PACRG: variants seen among roughly 807,000 people sequenced by gnomAD.
The protein encoded by PACRG is parkin coregulated.
In PACRG, 29 loss-of-function variants were observed where a neutral mutation model predicts 29.7. That is an observed-to-expected ratio of 0.98 (90% CI 0.73 to 1.33). PACRG has a LOEUF of 1.33. Among genes scored for constraint, PACRG ranks in the 40% most tolerant of loss-of-function variants. The pLI, the probability that PACRG is intolerant of heterozygous loss-of-function variation, is 0.00. For missense variants in PACRG, 279 were observed against 316.2 expected (o/e 0.88, Z 0.89); for synonymous variants, 116 against 118.7 (o/e 0.98, Z 0.15).
intron 1 of PACRG, among the ~76,000 whole-genome samples, chr6:162,808,687 T>G (rs1786569745): frequency 6.6e-6 from 1 of 152,186 alleles, no homozygotes; most frequent in Admixed American, 6.5e-5. Context: ...TTGGATTTTA[T>G]TAAAAGCATT....
At chr6:162,911,694 C>G (rs1167422270) in intron 2 of PACRG, among the ~76,000 whole-genome samples, 2 of 152,124 alleles carry the variant, frequency 1.3e-5, no homozygotes, top group East Asian at 3.9e-4. Context: ...GCAAATTGCT[C>G]TCTACCCAAA....
At chr6:163,248,149 A>G (rs1782762440) in intron 4 of PACRG, among the ~76,000 whole-genome samples, 1 of 152,260 alleles carries the variant, frequency 6.6e-6, no homozygotes, top group South Asian at 2.1e-4. Flanking sequence ...CAAGAAAGAG[A>G]CACACAGTGC....
chr6:162,727,428 G>A, upstream of PACRG: 1 of 507,050 alleles, frequency 2.0e-6, no homozygotes, highest in Non-Finnish European at 3.5e-6. Context: ...CGGTCTTCAT[G>A]AGAACGCTCA....
chr6:163,198,025 G>A (rs925693236), intron 4 of PACRG, among the ~76,000 whole-genome samples: 1 of 152,190 alleles, frequency 6.6e-6, no homozygotes, highest in Non-Finnish European at 1.5e-5. Context: ...TTCTAGATAC[G>A]TGTTTATCTG....
At chr6:162,819,601 T>G (rs1286372340) in intron 2 of PACRG, among the ~76,000 whole-genome samples, 2 of 152,196 alleles carry the variant, frequency 1.3e-5, no homozygotes, top group African/African-American at 4.8e-5. Flanking sequence ...GATCTTTGTC[T>G]GTATTTCTGG....
intron 4 of PACRG, among the ~76,000 whole-genome samples, chr6:163,296,028 G>A (rs1188048977): frequency 1.3e-5 from 2 of 152,132 alleles, no homozygotes; most frequent in Non-Finnish European, 2.9e-5. Context: ...ATAACCCAGA[G>A]CAGCAGGAGG....
intron 2 of PACRG, among the ~76,000 whole-genome samples, chr6:162,985,745 TG>T (rs1312620525): frequency 1.3e-5 from 2 of 151,998 alleles, no homozygotes; most frequent in African/African-American, 4.8e-5. Flanking sequence ...GCATTCAAAA[TG>T]GTAAAGAGGA....
intron 1 of PACRG, among the ~76,000 whole-genome samples, chr6:162,738,246 A>G (rs61489355): frequency 0.014 from 2,138 of 152,308 alleles, 52 homozygotes; most frequent in African/African-American, 0.048. Flanking sequence ...ATGCAGAGAT[A>G]TAGAGATAAT....
intron 2 of PACRG, among the ~76,000 whole-genome samples, chr6:162,921,998 A>G (rs983190757): frequency 2.6e-5 from 4 of 151,732 alleles, no homozygotes; most frequent in Admixed American, 1.3e-4. Context: ...AGTCTCTGCC[A>G]TTTTTCCTTG....
At chr6:162,781,721 G>A (rs1390271084) in intron 1 of PACRG, among the ~76,000 whole-genome samples, 8 of 151,522 alleles carry the variant, frequency 5.3e-5, no homozygotes, top group African/African-American at 1.9e-4. Flanking sequence ...AGTTTAAAAT[G>A]TTTACTCTAA....
chr6:162,948,666 G>T (rs1009807420), intron 2 of PACRG, among the ~76,000 whole-genome samples: 4 of 151,968 alleles, frequency 2.6e-5, no homozygotes. Flanking sequence ...TTTAGAACAT[G>T]CAAGAAACTC....
chr6:162,958,881 A>ATATATATT (rs1285995698), intron 2 of PACRG, among the ~76,000 whole-genome samples: 5 of 16,846 alleles, frequency 3.0e-4, no homozygotes, highest in Admixed American at 2.1e-3. Context: ...ATATATATAT[A>ATATATATT]TATAGAGAGA....
chr6:163,212,857 C>A (rs1028585080), intron 4 of PACRG, among the ~76,000 whole-genome samples: 2 of 151,958 alleles, frequency 1.3e-5, no homozygotes, highest in South Asian at 2.1e-4. Context: ...CGGCTCACTG[C>A]AAGCTATGCC....
intron 1 of PACRG, among the ~76,000 whole-genome samples, chr6:162,794,933 A>G (rs1012626232): frequency 2.0e-5 from 3 of 152,164 alleles, no homozygotes; most frequent in Non-Finnish European, 4.4e-5. Context: ...AAAAAGAGAA[A>G]GTGAATGAAT....
chr6:163,301,936 C>T (rs1410963042), intron 4 of PACRG, among the ~76,000 whole-genome samples: 1 of 152,208 alleles, frequency 6.6e-6, no homozygotes, highest in Non-Finnish European at 1.5e-5. Flanking sequence ...CACGCCTCCG[C>T]CCCTCAGGGG....
chr6:162,727,581 T>C (rs1024963107), upstream of PACRG: 18 of 1,438,282 alleles, frequency 1.3e-5, no homozygotes, highest in Non-Finnish European at 1.7e-5. Context: ...CCGGGGGTCC[T>C]GGTCGGCCGA....
At chr6:163,221,219 G>A (rs921017111) in intron 4 of PACRG, among the ~76,000 whole-genome samples, 8 of 152,114 alleles carry the variant, frequency 5.3e-5, no homozygotes, top group Non-Finnish European at 8.8e-5. Context: ...GCTCAGCATC[G>A]CAGTTTTCCT....
At chr6:163,135,032 T>C (rs1585253857) in intron 4 of PACRG, among the ~76,000 whole-genome samples, 2 of 152,232 alleles carry the variant, frequency 1.3e-5, no homozygotes, top group South Asian at 4.1e-4. Flanking sequence ...ACTCTCAGTA[T>C]ATATATCTGT....
intron 2 of PACRG, among the ~76,000 whole-genome samples, chr6:162,913,355 C>T (rs1796449150): frequency 6.6e-6 from 1 of 152,096 alleles, no homozygotes; most frequent in South Asian, 2.1e-4. Context: ...TAAGCGTATG[C>T]CTTTGATGTT....
Sources: gnomAD v4.1 joint callset for allele counts (sites outside exome capture counted in the v4.1 genomes callset) on GRCh38, gnomAD v4.1.1 for gene constraint, MANE v1.5 for transcripts, NCBI Gene and HGNC (gene_info 2026-07-23, HGNC 2026-07-21) for gene names.